The following MACROD2 variants were observed in gnomAD, a reference collection of about 807,000 sequenced individuals.
MACROD2 encodes mono-ADP ribosylhydrolase 2.
A neutral mutation model predicts 70.4 loss-of-function variants in MACROD2; 36 were observed. That is an observed-to-expected ratio of 0.51 (90% CI 0.39 to 0.68). MACROD2 has a LOEUF of 0.68. Ranked by LOEUF, MACROD2 falls within the 30% of genes least tolerant of loss-of-function variation. MACROD2 has a pLI of 0.00. For synonymous variants in MACROD2, 172 were observed against 178.8 expected, an observed-to-expected ratio of 0.96 and a Z score of 0.30; for missense variants, 496 against 538.4, an observed-to-expected ratio of 0.92 and a Z score of 0.78.
chr20:15,515,985 C>G (rs551305787), intron 8 of MACROD2, among the ~76,000 whole-genome samples: 86 of 152,300 alleles, frequency 5.6e-4, no homozygotes, highest in African/African-American at 2.1e-3. Context: ...AAGCTCACCC[C>G]CAAGCCTGAG....
chr20:14,468,137 G>A (rs571663573), intron 3 of MACROD2, among the ~76,000 whole-genome samples: 2 of 151,844 alleles, frequency 1.3e-5, no homozygotes, highest in Non-Finnish European at 1.5e-5. Flanking sequence ...TGCTTGGTCC[G>A]GAGCTGAGTT....
At chr20:15,764,154 T>A (rs1421508417) in intron 8 of MACROD2, among the ~76,000 whole-genome samples, 1 of 152,228 alleles carries the variant, frequency 6.6e-6, no homozygotes, top group East Asian at 1.9e-4. Flanking sequence ...TGCACCATTA[T>A]CTGCCACTTT....
intron 8 of MACROD2, among the ~76,000 whole-genome samples, chr20:15,500,653 A>G (rs2047353325): frequency 6.6e-6 from 1 of 152,148 alleles, no homozygotes; most frequent in Non-Finnish European, 1.5e-5. Context: ...GAATTTAGCT[A>G]TTTTCCTTGG....
chr20:16,029,086 G>A (rs371472072), intron 15 of MACROD2, among the ~76,000 whole-genome samples: 13 of 152,236 alleles, frequency 8.5e-5, no homozygotes, highest in South Asian at 4.1e-4. Flanking sequence ...TCTTCTCACC[G>A]TGTCCTCGCA....
intron 10 of MACROD2, among the ~76,000 whole-genome samples, chr20:15,917,037 G>T (rs766378189): frequency 6.6e-6 from 1 of 152,122 alleles, no homozygotes; most frequent in Non-Finnish European, 1.5e-5. Flanking sequence ...TAGCTGGCAG[G>T]CTGTACCGAG....
chr20:15,175,326 C>T (rs1196398540), intron 5 of MACROD2, among the ~76,000 whole-genome samples: 1 of 150,588 alleles, frequency 6.6e-6, no homozygotes, highest in African/African-American at 2.4e-5. Flanking sequence ...ATACCTAATG[C>T]TAAATGATGA....
Position 15,280,051 on chromosome 20 carries a change from A to G in MACROD2, c.540+49990A>G, listed in dbSNP as rs569019956. Among the ~76,000 whole-genome samples, 10 of 152,386 alleles carry G rather than the reference A, an allele frequency of 6.6e-5. No individual in the cohort carries two copies. In the South Asian group the frequency reaches 1.9e-3, roughly 28 times the overall value. ...GCAAGGAGGAAAGTTTTCAAAGCCCAGAAATCTGAATTATATTTGTAAAAC... is the reference window on the plus strand; with the variant it reads ...GCAAGGAGGAAAGTTTTCAAAGCCCGGAAATCTGAATTATATTTGTAAAAC... On this transcript the variant is annotated intron_variant, in intron 6 of 17. Coordinates refer to ENST00000684519, the MANE Select transcript of MACROD2 (RefSeq NM_001351661.2).
chr20:15,207,716 C>CA (rs1424376180), intron 5 of MACROD2, among the ~76,000 whole-genome samples: 6 of 152,048 alleles, frequency 3.9e-5, no homozygotes, highest in Non-Finnish European at 7.4e-5. Context: ...GGTGGGATTA[C>CA]AGGTGTGAGC....
At chr20:14,626,570 C>A (rs1984179488) in intron 4 of MACROD2, among the ~76,000 whole-genome samples, 1 of 152,136 alleles carries the variant, frequency 6.6e-6, no homozygotes, top group Non-Finnish European at 1.5e-5. Context: ...GGTTCTAACA[C>A]AGGGAATGCT....
chr20:15,904,587 A>C (rs1231107253), intron 10 of MACROD2, among the ~76,000 whole-genome samples: 1 of 151,946 alleles, frequency 6.6e-6, no homozygotes, highest in African/African-American at 2.4e-5. Context: ...CAAGCTCAAG[A>C]AGACAGTAAG....
chr20:16,019,013 T>A (rs1184332772), intron 15 of MACROD2, among the ~76,000 whole-genome samples: 1 of 152,168 alleles, frequency 6.6e-6, no homozygotes, highest in African/African-American at 2.4e-5. Context: ...GTTTTTCTAC[T>A]CTCCCCAATA....
intron 4 of MACROD2, among the ~76,000 whole-genome samples, chr20:14,592,449 A>G (rs1042265386): frequency 1.3e-5 from 2 of 152,154 alleles, no homozygotes; most frequent in African/African-American, 4.8e-5. Flanking sequence ...TCTGAGACAC[A>G]ATCTTGTTCT....
chr20:14,297,657 A>C (rs1250592259), intron 3 of MACROD2, among the ~76,000 whole-genome samples: 4 of 151,972 alleles, frequency 2.6e-5, no homozygotes, highest in African/African-American at 9.7e-5. Context: ...CCTGAGGTTT[A>C]TGGAAAGAAG....
intron 5 of MACROD2, among the ~76,000 whole-genome samples, chr20:14,729,465 A>G (rs1307167058): frequency 6.6e-6 from 1 of 152,182 alleles, no homozygotes; most frequent in Non-Finnish European, 1.5e-5. Flanking sequence ...GGACTAAGTG[A>G]GAGCTGGAAT....
rs2066160685 is a variant in MACROD2 at position 15,967,603 on chromosome 20, T to C, written c.958T>C (p.Ser320Pro). 2 of 1,611,560 alleles carry C rather than the reference T, an allele frequency of 1.2e-6. No individual in the cohort carries two copies. The highest frequency in any genetic ancestry group is 1.7e-6 in the Non-Finnish European group (2 of 1,178,956). Reference protein sequence around the residue: ...ITKGGEVTDHSVRDQDHPDGQ... With the variant: ...ITKGGEVTDHPVRDQDHPDGQ... ...AAAAGGCGGTGAAGTGACAGATCAT[T>C]CTGTGCGTGACCAAGATCATCCCGA... is the stretch of plus-strand genomic sequence containing the variant. Residue 320 changes from serine to proline, a missense_variant, in exon 13 of 18, where the codon TCT becomes CCT. By Grantham distance (74) the Ser-to-Pro change is moderately conservative. Coordinates refer to ENST00000684519, the MANE Select transcript of MACROD2 (RefSeq NM_001351661.2).
At chr20:14,483,042 C>T (rs10485774) in intron 3 of MACROD2, among the ~76,000 whole-genome samples, 43,116 of 152,084 alleles carry the variant, frequency 0.28, 6,196 homozygotes, top group Admixed American at 0.32. Flanking sequence ...TAGTAATACG[C>T]CTGGCATCTA....
At chr20:14,872,935 C>T (rs568562260) in intron 5 of MACROD2, among the ~76,000 whole-genome samples, 1 of 152,016 alleles carries the variant, frequency 6.6e-6, no homozygotes, top group Non-Finnish European at 1.5e-5. Flanking sequence ...GAGGAACTAC[C>T]AAACACTTAT....
intron 8 of MACROD2, among the ~76,000 whole-genome samples, chr20:15,591,494 G>A (rs1305763873): frequency 6.7e-6 from 1 of 149,640 alleles, no homozygotes; most frequent in African/African-American, 2.5e-5. Flanking sequence ...CCCAGGAGGA[G>A]GTAATCATAG....
intron 4 of MACROD2, among the ~76,000 whole-genome samples, chr20:14,658,401 G>T (rs1333827143): frequency 6.6e-6 from 1 of 152,114 alleles, no homozygotes; most frequent in Non-Finnish European, 1.5e-5. Context: ...GAAGAAGAGA[G>T]AAATATTTCT....
Sources: allele counts gnomAD v4.1 joint callset (sites outside exome capture counted in the v4.1 genomes callset), GRCh38; gene constraint gnomAD v4.1.1; transcripts MANE v1.5; gene names NCBI Gene and HGNC (gene_info 2026-07-23, HGNC 2026-07-21).